Variants in MRPL14 observed in about 807,000 individuals in gnomAD.
The protein encoded by MRPL14 is mitochondrial ribosomal protein L14.
A neutral mutation model predicts 10.9 loss-of-function variants in MRPL14; 8 were observed. That is an observed-to-expected ratio of 0.74 (90% CI 0.43 to 1.33). The LOEUF is 1.33. Ranked by LOEUF, MRPL14 falls within the 40% of genes most tolerant of loss-of-function variation. MRPL14 has a pLI of 0.01. For missense variants in MRPL14, 179 were observed against 194.5 expected (o/e 0.92, Z 0.47); for synonymous variants, 82 against 74.1 (o/e 1.11, Z -0.54).
intron 1 of MRPL14, among the ~76,000 whole-genome samples, chr6:44,118,825 G>A (rs929270484): frequency 9.2e-5 from 14 of 152,094 alleles, no homozygotes; most frequent in South Asian, 2.1e-4. Context: ...TTAGCCAGGC[G>A]TGGTGGCACA....
At chr6:44,120,876 GA>G (rs146997698) in intron 1 of MRPL14, among the ~76,000 whole-genome samples, 1,823 of 152,296 alleles carry the variant, frequency 0.012, 26 homozygotes, top group African/African-American at 0.041. Flanking sequence ...CATGCTGTAA[GA>G]GAATGATGGT....
chr6:44,121,182 G>T (rs1776369089), intron 1 of MRPL14, among the ~76,000 whole-genome samples: 1 of 152,070 alleles, frequency 6.6e-6, no homozygotes, highest in South Asian at 2.1e-4. Flanking sequence ...TTGTGCACAG[G>T]AGACTGACTT....
In MRPL14 at chr6:44,114,143, C is replaced by G. The variant is rs779142481; in HGVS notation, c.138G>C (p.Leu46=). The change falls in exon 3 of 3, where the codon CTG becomes CTC. Residue 46 remains leucine, a synonymous_variant. Coordinates refer to ENST00000372014, the MANE Select transcript of MRPL14 (RefSeq NM_032111.4). ...GAGCCCGATGGTATGGGCTGTTCCC[C>G]AGGGCACTGTTGTCCACCACTCGTA... ...TRVRVVDNSA[L]GNSPYHRAPR... is the part of the protein sequence containing the mutation. The G allele has an allele frequency of 1.2e-6, 2 of 1,614,160 alleles. No individual in the cohort carries two copies. The highest frequency in any genetic ancestry group is 1.7e-6 in the Non-Finnish European group (2 of 1,180,032).
intron 2 of MRPL14, among the ~76,000 whole-genome samples, chr6:44,116,040 C>T (rs1224155097): frequency 1.3e-5 from 2 of 152,212 alleles, no homozygotes; most frequent in Non-Finnish European, 2.9e-5. Context: ...AGGTGCGGTG[C>T]TCAGGAAATG....
chr6:44,117,800 G>A (rs570413816), intron 1 of MRPL14, among the ~76,000 whole-genome samples: 23 of 149,456 alleles, frequency 1.5e-4, no homozygotes, highest in Middle Eastern at 3.6e-3. Context: ...AAGTAGTCAG[G>A]ACCACAGACA....
chr6:44,116,741 C>T, intron 1 of MRPL14, 112 bp from the exon 2 acceptor site: 4 of 704,100 alleles, frequency 5.7e-6, no homozygotes, highest in Non-Finnish European at 1.0e-5. Context: ...GATCATTAGT[C>T]ACAAAATATA....
intron 1 of MRPL14, among the ~76,000 whole-genome samples, chr6:44,123,239 A>T (rs564664605): frequency 1.2e-3 from 187 of 152,342 alleles, no homozygotes; most frequent in Non-Finnish European, 2.4e-3. Flanking sequence ...AGATTTGTTG[A>T]TTGACTCGTC....
At chr6:44,119,063 G>A (rs1776149790) in intron 1 of MRPL14, among the ~76,000 whole-genome samples, 1 of 152,218 alleles carries the variant, frequency 6.6e-6, no homozygotes, top group Admixed American at 6.5e-5. Context: ...GCCCAGAGAG[G>A]TTAAATAACT....
At chr6:44,120,534 T>C (rs1033460701) in intron 1 of MRPL14, among the ~76,000 whole-genome samples, 4 of 152,198 alleles carry the variant, frequency 2.6e-5, no homozygotes, top group Non-Finnish European at 2.9e-5. Context: ...GGATCTGATA[T>C]TGACGTCTAG....
intron 1 of MRPL14, among the ~76,000 whole-genome samples, chr6:44,124,349 A>G (rs1277053393): frequency 6.6e-6 from 1 of 152,204 alleles, no homozygotes; most frequent in Non-Finnish European, 1.5e-5. Context: ...CATATTGGGA[A>G]AAGCAAAGAG....
chr6:44,125,809 T>G (rs1776953469), intron 1 of MRPL14, among the ~76,000 whole-genome samples: 1 of 152,064 alleles, frequency 6.6e-6, no homozygotes, highest in African/African-American at 2.4e-5. Context: ...AGCAACAGAT[T>G]ACACCAATTT....
At chr6:44,119,457 G>A (rs1776196427) in intron 1 of MRPL14, among the ~76,000 whole-genome samples, 1 of 152,012 alleles carries the variant, frequency 6.6e-6, no homozygotes, top group Admixed American at 6.5e-5. Context: ...GAACCCATGA[G>A]GCAAAGGTTG....
intron 1 of MRPL14, among the ~76,000 whole-genome samples, chr6:44,119,911 C>G (rs916859387): frequency 6.6e-6 from 1 of 152,096 alleles, no homozygotes; most frequent in African/African-American, 2.4e-5. Context: ...AAGTGCAACA[C>G]CCTGCCTCTC....
chr6:44,115,759 C>G (rs1159623631), intron 2 of MRPL14, among the ~76,000 whole-genome samples: 1 of 152,174 alleles, frequency 6.6e-6, no homozygotes, highest in Non-Finnish European at 1.5e-5. Flanking sequence ...ACCACTTCCC[C>G]AAGCACACCC....
chr6:44,126,850 C>G (rs1367808423), intron 1 of MRPL14: 1 of 152,268 alleles, frequency 6.6e-6, no homozygotes, highest in Non-Finnish European at 1.5e-5. Flanking sequence ...CAGGGAACCC[C>G]CTGGCCTGGG....
chr6:44,115,321 C>T (rs996322766), intron 2 of MRPL14, among the ~76,000 whole-genome samples: 1 of 152,124 alleles, frequency 6.6e-6, no homozygotes, highest in Admixed American at 6.6e-5. Flanking sequence ...CTACAACATG[C>T]TCTATAGATA....
At chr6:44,115,189 GTTT>G (rs34631848) in intron 2 of MRPL14, among the ~76,000 whole-genome samples, 1 of 151,770 alleles carries the variant, frequency 6.6e-6, no homozygotes, top group East Asian at 1.9e-4. Context: ...CTCTTCTCTC[GTTT>G]TTTATGCCTA....
At chr6:44,122,335 G>A (rs112156679) in intron 1 of MRPL14, among the ~76,000 whole-genome samples, 5 of 152,098 alleles carry the variant, frequency 3.3e-5, no homozygotes, top group Non-Finnish European at 5.9e-5. Context: ...CGCCTGCCTC[G>A]GCCTCCCAAA....
At chr6:44,116,725 G>T in intron 1 of MRPL14, 96 bp from the exon 2 acceptor site, 1 of 771,258 alleles carries the variant, frequency 1.3e-6, no homozygotes, top group Non-Finnish European at 2.3e-6. Context: ...GGCACTTCCA[G>T]CACAAGATCA....
Sources: gnomAD v4.1 joint callset for allele counts (sites outside exome capture counted in the v4.1 genomes callset) on GRCh38, gnomAD v4.1.1 for gene constraint, MANE v1.5 for transcripts, NCBI Gene and HGNC (gene_info 2026-07-23, HGNC 2026-07-21) for gene names.